MSH3: variants seen among roughly 807,000 people sequenced by gnomAD.
MSH3 encodes the protein DNA mismatch repair protein Msh3.
Under a neutral mutation model 123.3 loss-of-function variants are expected in MSH3, and 106 were observed. The observed-to-expected ratio is 0.86, with a 90% CI of 0.73 to 1.01. The LOEUF is 1.01. MSH3 is among the 50% of genes least tolerant of loss of function. The pLI, the probability that MSH3 is intolerant of heterozygous loss-of-function variation, is 0.00. For synonymous variants in MSH3, 515 were observed against 481.4 expected (o/e 1.07, Z -0.91); for missense variants, 1,459 against 1,347.6 (o/e 1.08, Z -1.29).
chr5:80,672,728 AT>A lies in MSH3; in HGVS notation c.910-8del. On this transcript the variant is annotated splice_polypyrimidine_tract_variant and intron_variant, in intron 5 of 23. Transcript: ENST00000265081. ...TTATCCTTTGATAGCAATATTTCTT[AT>A]TTTTGTTGAAGGTGGGAGTTGTGAA... 1.3e-6 allele frequency: 2 copies of A among 1,597,914 alleles called. No individual in the cohort carries two copies. The highest frequency in any genetic ancestry group is 1.1e-5 in the South Asian group (1 of 90,716).
At chr5:80,751,280 A>T (rs1422020777) in intron 12 of MSH3, among the ~76,000 whole-genome samples, 2 of 152,182 alleles carry the variant, frequency 1.3e-5, no homozygotes, top group East Asian at 1.9e-4. Flanking sequence ...AACAAACACC[A>T]TATTTATGGT....
At chr5:80,865,517 A>G (rs1746084173) in intron 22 of MSH3, among the ~76,000 whole-genome samples, 1 of 152,210 alleles carries the variant, frequency 6.6e-6, no homozygotes, top group Non-Finnish European at 1.5e-5. Flanking sequence ...CCCCTCTGCT[A>G]GAGCTGCTAT....
intron 19 of MSH3, among the ~76,000 whole-genome samples, chr5:80,802,169 T>G (rs1357761977): frequency 6.6e-6 from 1 of 152,178 alleles, no homozygotes; most frequent in East Asian, 1.9e-4. Flanking sequence ...TCCTTTGTCT[T>G]TCTTTGTAAT....
intron 2 of MSH3, among the ~76,000 whole-genome samples, chr5:80,660,892 A>G (rs1188305139): frequency 6.6e-6 from 1 of 152,100 alleles, no homozygotes; most frequent in Non-Finnish European, 1.5e-5. Flanking sequence ...CTGCCCCGCC[A>G]AGTTTAAGCA....
At chr5:80,752,077 T>C (rs1743849717) in intron 12 of MSH3, among the ~76,000 whole-genome samples, 1 of 151,998 alleles carries the variant, frequency 6.6e-6, no homozygotes, top group African/African-American at 2.4e-5. Flanking sequence ...ACAGTATCTG[T>C]CCAGGTGAAG....
At chr5:80,842,388 G>T (rs1745642545) in intron 20 of MSH3, among the ~76,000 whole-genome samples, 1 of 152,106 alleles carries the variant, frequency 6.6e-6, no homozygotes, top group African/African-American at 2.4e-5. Context: ...GGCAATGCAG[G>T]CTCTTTTTTG....
At chr5:80,670,492 T>C (rs981029810) in intron 4 of MSH3, among the ~76,000 whole-genome samples, 183 bp downstream of exon 4, 1 of 152,100 alleles carries the variant, frequency 6.6e-6, no homozygotes, top group African/African-American at 2.4e-5. Context: ...GAACCAGACT[T>C]GGTGGGAAAA....
At chr5:80,708,309 G>A (rs775723984) in intron 8 of MSH3, among the ~76,000 whole-genome samples, 4 of 151,734 alleles carry the variant, frequency 2.6e-5, no homozygotes, top group Non-Finnish European at 5.9e-5. Context: ...TTAACTTTGG[G>A]GCATCATGAT....
chr5:80,660,008 A>G (rs1749394436), intron 2 of MSH3, among the ~76,000 whole-genome samples: 1 of 149,408 alleles, frequency 6.7e-6, no homozygotes, highest in Non-Finnish European at 1.5e-5. Context: ...ATACATTTGA[A>G]AAGCCAGTTA....
rs1407463042 is a variant in MSH3, at chr5:80,761,533, T to C, written c.1764-13T>C. The C allele has an allele frequency of 6.2e-7, 1 of 1,613,752 alleles. No homozygotes were observed. Among genetic ancestry groups the C allele is most frequent in the Non-Finnish European group, 8.5e-7 (1 of 1,179,824 alleles). On this transcript the variant is annotated splice_polypyrimidine_tract_variant and intron_variant, in intron 12 of 23. Coordinates refer to ENST00000265081, the MANE Select transcript of MSH3 (RefSeq NM_002439.5). ...TAACATATCTGATTATTGCTATTACTCTTTTCTCACAGGGAAATAAATGCC... is the reference window on the plus strand; with the variant it reads ...TAACATATCTGATTATTGCTATTACCCTTTTCTCACAGGGAAATAAATGCC...
chr5:80,867,613 G>A (rs1746128550), intron 22 of MSH3, among the ~76,000 whole-genome samples: 2 of 152,174 alleles, frequency 1.3e-5, no homozygotes, highest in Admixed American at 1.3e-4. Context: ...TTTTCTTAGG[G>A]GTGGAATAAA....
intron 8 of MSH3, among the ~76,000 whole-genome samples, chr5:80,692,225 GATAGATAAACATGTATATGTTTA>G (rs1750295473): frequency 1.2e-5 from 1 of 80,374 alleles, no homozygotes; most frequent in Admixed American, 1.6e-4. Flanking sequence ...TATATGTTTA[GATAGATAAACATGTATATGTTTA>G]GATAGATAGA....
chr5:80,869,790 A>G (rs1205467528), intron 22 of MSH3, among the ~76,000 whole-genome samples: 1 of 132,134 alleles, frequency 7.6e-6, no homozygotes, highest in African/African-American at 3.0e-5. Flanking sequence ...ATGTATACAT[A>G]TATACATATA....
chr5:80,736,333 G>T (rs1743507039), intron 10 of MSH3, among the ~76,000 whole-genome samples: 1 of 148,978 alleles, frequency 6.7e-6, no homozygotes, highest in South Asian at 2.1e-4. Flanking sequence ...AAGTATGAAA[G>T]ATTGGAAATG....
chr5:80,769,426 A>ATAG (rs1744178585), intron 15 of MSH3, among the ~76,000 whole-genome samples: 1 of 151,840 alleles, frequency 6.6e-6, no homozygotes, highest in African/African-American at 2.4e-5. Context: ...AGTTAAGAGT[A>ATAG]TAGCTGCTAA....
intron 22 of MSH3, among the ~76,000 whole-genome samples, chr5:80,869,823 TAC>T (rs200169879): frequency 5.3e-5 from 3 of 56,604 alleles, no homozygotes; most frequent in African/African-American, 6.9e-5. Flanking sequence ...CATATATATA[TAC>T]ATATATACAT....
chr5:80,762,778 TTTTTATTTTA>T (rs573087291), intron 13 of MSH3, among the ~76,000 whole-genome samples: 10 of 127,974 alleles, frequency 7.8e-5, no homozygotes, highest in African/African-American at 3.0e-4. Flanking sequence ...TTATTTTAAT[TTTTTATTTTA>T]TTTTATGTTA....
At chr5:80,796,604 CATT>C (rs1417285593) in intron 19 of MSH3, among the ~76,000 whole-genome samples, 5 of 151,788 alleles carry the variant, frequency 3.3e-5, no homozygotes, top group Admixed American at 6.6e-5. Flanking sequence ...AGTTAAATGA[CATT>C]GTTGTTTTTG....
intron 13 of MSH3, among the ~76,000 whole-genome samples, chr5:80,763,714 C>T (rs1744080201): frequency 6.6e-6 from 1 of 152,212 alleles, no homozygotes; most frequent in Admixed American, 6.5e-5. Context: ...ATCAAGATGG[C>T]AGCATCAGTT....
Sources: gnomAD v4.1 joint callset for allele counts (sites outside exome capture counted in the v4.1 genomes callset) on GRCh38, gnomAD v4.1.1 for gene constraint, MANE v1.5 for transcripts, NCBI Gene and HGNC (gene_info 2026-07-23, HGNC 2026-07-21) for gene names.